The following VOPP1 variants were observed in gnomAD, a reference collection of about 807,000 sequenced individuals.
The protein encoded by VOPP1 is WW domain binding protein VOPP1.
In VOPP1, 8 loss-of-function variants were observed where a neutral mutation model predicts 23.5. That is an observed-to-expected ratio of 0.34 (90% confidence interval 0.20 to 0.61). VOPP1 has a LOEUF of 0.61. VOPP1 is among the 20% of genes least tolerant of loss of function. VOPP1 has a pLI of 0.78. For missense variants in VOPP1, 174 were observed against 238.1 expected (o/e 0.73, Z 1.77); for synonymous variants, 83 against 97.3 (o/e 0.85, Z 0.86).
intron 2 of VOPP1, among the ~76,000 whole-genome samples, chr7:55,517,653 C>T (rs6956345): frequency 0.32 from 49,322 of 151,948 alleles, 8,400 homozygotes; most frequent in African/African-American, 0.43. Context: ...TCAAAAATAA[C>T]GTACCCCTCA....
intron 4 of VOPP1, among the ~76,000 whole-genome samples, chr7:55,485,130 G>T (rs896663342): frequency 6.6e-6 from 1 of 152,074 alleles, no homozygotes; most frequent in Non-Finnish European, 1.5e-5. Flanking sequence ...GCCTAAGTTA[G>T]ATCAAAGGTA....
chr7:55,530,676 G>A (rs1796448797), intron 1 of VOPP1, among the ~76,000 whole-genome samples: 1 of 152,178 alleles, frequency 6.6e-6, no homozygotes, highest in Admixed American at 6.5e-5. Flanking sequence ...GTCACATCGT[G>A]TGCATGGAAC....
rs138684978 is a variant in VOPP1 at position 55,523,591 on chromosome 7, C to A, written c.55-2461G>T. ...CCCATCACATACCAGTGAGAGCTTG[C>A]ACACCAATGAGAGCTTGCCAGCTCC... On this transcript the variant is annotated intron_variant, in intron 1 of 4. Coordinates refer to ENST00000285279, the MANE Select transcript of VOPP1 (RefSeq NM_030796.5). Among the ~76,000 whole-genome samples the A allele has an allele frequency of 3.3e-5, 5 of 152,302 alleles. No individual in the cohort carries two copies. The East Asian group carries it at 9.7e-4, about 29-fold the overall frequency.
chr7:55,545,287 G>A (rs751248383), intron 1 of VOPP1, among the ~76,000 whole-genome samples: 1 of 152,192 alleles, frequency 6.6e-6, no homozygotes, highest in Non-Finnish European at 1.5e-5. Context: ...GCACAGGTGA[G>A]ACCACGCTAG....
At chr7:55,492,244 C>G (rs768769528) in intron 4 of VOPP1, 38 bp downstream of exon 4, 5 of 1,582,802 alleles carry the variant, frequency 3.2e-6, no homozygotes, top group Non-Finnish European at 4.3e-6. Context: ...AGACGACACA[C>G]ACTGTGGGGA....
chr7:55,437,341 T>C (rs815977), intron 4 of VOPP1, among the ~76,000 whole-genome samples: 2,807 of 152,326 alleles, frequency 0.018, 75 homozygotes, highest in African/African-American at 0.062. Flanking sequence ...TGAGTCCTTG[T>C]GTGCCAGAAA....
chr7:55,501,002 C>T (rs1261434331), intron 2 of VOPP1, among the ~76,000 whole-genome samples: 1 of 152,186 alleles, frequency 6.6e-6, no homozygotes, highest in African/African-American at 2.4e-5. Flanking sequence ...ATTTCAAAGA[C>T]CATGGTAACA....
rs1035590108 is a variant in VOPP1 at position 55,470,945 on chromosome 7, C to T, written c.*1910G>A. On this transcript the variant is annotated 3_prime_UTR_variant, in exon 5 of 5. Coordinates refer to ENST00000285279, the MANE Select transcript of VOPP1 (RefSeq NM_030796.5). ...TCTGTCTCACACAAACATGGGAATACAAAATTGTTGAGCCCTAGCCATCAC... is the reference window on the plus strand; with the variant it reads ...TCTGTCTCACACAAACATGGGAATATAAAATTGTTGAGCCCTAGCCATCAC... 2.6e-5 allele frequency: 4 copies of T among 152,468 alleles called. No homozygotes were observed. Among genetic ancestry groups the T allele is most frequent in the Non-Finnish European group, 4.4e-5 (3 of 68,024 alleles). The allele number at this position is 152,468 out of a possible 1,614,324, so 9.4% of individuals were successfully genotyped here.
intron 1 of VOPP1, among the ~76,000 whole-genome samples, chr7:55,553,317 C>A (rs535960908): frequency 6.6e-6 from 1 of 152,210 alleles, no homozygotes; most frequent in African/African-American, 2.4e-5. Flanking sequence ...TCTACTTTTG[C>A]AGTACTTGGG....
chr7:55,467,686 G>A (rs1266540886), downstream of VOPP1, among the ~76,000 whole-genome samples: 1 of 152,244 alleles, frequency 6.6e-6, no homozygotes. Flanking sequence ...CATTTGCCTT[G>A]TAAATGACGT....
At chr7:55,527,249 T>A (rs1796241931) in intron 1 of VOPP1, among the ~76,000 whole-genome samples, 1 of 152,226 alleles carries the variant, frequency 6.6e-6, no homozygotes, top group South Asian at 2.1e-4. Context: ...CCCAGGTTTA[T>A]GGACATTTTG....
intron 1 of VOPP1, among the ~76,000 whole-genome samples, chr7:55,559,665 T>C (rs906664384): frequency 6.6e-6 from 1 of 152,204 alleles, no homozygotes; most frequent in African/African-American, 2.4e-5. Flanking sequence ...CTGGGGTGAC[T>C]AGCTATTAAT....
intron 1 of VOPP1, among the ~76,000 whole-genome samples, chr7:55,569,677 C>T (rs1374151590): frequency 1.3e-5 from 2 of 152,170 alleles, no homozygotes; most frequent in Non-Finnish European, 2.9e-5. Flanking sequence ...TACCCTGGAG[C>T]ACTCTATGAA....
chr7:55,495,735 G>A (rs1793904243), intron 3 of VOPP1, among the ~76,000 whole-genome samples: 1 of 152,218 alleles, frequency 6.6e-6, no homozygotes, highest in Non-Finnish European at 1.5e-5. Context: ...TGTTGATTGA[G>A]AGAGAAAATG....
At chr7:55,443,036 G>T (rs969750259) in intron 4 of VOPP1, among the ~76,000 whole-genome samples, 17 of 151,258 alleles carry the variant, frequency 1.1e-4, no homozygotes, top group African/African-American at 3.9e-4. Flanking sequence ...GGAGAATGGC[G>T]TGAACTCAGG....
At chr7:55,461,112 A>T (rs896421114) in intron 4 of VOPP1, among the ~76,000 whole-genome samples, 2 of 152,184 alleles carry the variant, frequency 1.3e-5, no homozygotes, top group South Asian at 4.1e-4. Flanking sequence ...GAGACTTACT[A>T]TTCTAAGTGA....
At chr7:55,459,713 A>T (rs1459865881) in intron 4 of VOPP1, among the ~76,000 whole-genome samples, 1 of 151,994 alleles carries the variant, frequency 6.6e-6, no homozygotes, top group Non-Finnish European at 1.5e-5. Flanking sequence ...ATCAGTTATA[A>T]TATCTTCTTT....
chr7:55,474,294 T>C (rs1174180967), intron 4 of VOPP1, among the ~76,000 whole-genome samples: 1 of 152,252 alleles, frequency 6.6e-6, no homozygotes, highest in Non-Finnish European at 1.5e-5. Flanking sequence ...CTTACTGCCA[T>C]TACCATGAGT....
chr7:55,540,388 C>G (rs1797069997), intron 1 of VOPP1, among the ~76,000 whole-genome samples: 1 of 146,354 alleles, frequency 6.8e-6, no homozygotes, highest in Non-Finnish European at 1.5e-5. Flanking sequence ...CAGAGTGAGA[C>G]TCTGTCTCAA....
Sources: allele counts gnomAD v4.1 joint callset (sites outside exome capture counted in the v4.1 genomes callset), GRCh38; gene constraint gnomAD v4.1.1; transcripts MANE v1.5; gene names NCBI Gene and HGNC (gene_info 2026-07-23, HGNC 2026-07-21).